Variants in SNX13 observed in about 807,000 individuals in gnomAD.
SNX13 encodes sorting nexin 13, also known as sorting nexin-13.
In SNX13, 45 loss-of-function variants were observed where a neutral mutation model predicts 133.6. The ratio of observed to expected loss-of-function variants is 0.34; its 90% CI spans 0.27 to 0.43. The LOEUF (loss-of-function observed/expected upper bound fraction) is 0.43, where lower values mean the gene tolerates loss of function less well. Ranked by LOEUF, SNX13 falls within the 20% of genes least tolerant of loss-of-function variation. SNX13 has a pLI of 1.00. For synonymous variants in SNX13, 414 were observed against 373.9 expected (o/e 1.11, Z -1.24); for missense variants, 1,032 against 1,145.1 (o/e 0.90, Z 1.43).
At chr7:17,877,906 G>A (rs558042048) in intron 5 of SNX13, among the ~76,000 whole-genome samples, 3 of 151,748 alleles carry the variant, frequency 2.0e-5, no homozygotes, top group Non-Finnish European at 4.4e-5. Context: ...AATCTCAAAA[G>A]AACTTTCTAG....
chr7:17,832,067 A>T, intron 15 of SNX13: 1 of 982,904 alleles, frequency 1.0e-6, no homozygotes, highest in East Asian at 1.1e-4. Context: ...AGACAATAAG[A>T]TACATAAGTA....
At chr7:17,846,377 T>G (rs1032342685) in intron 11 of SNX13, among the ~76,000 whole-genome samples, 19 of 152,182 alleles carry the variant, frequency 1.2e-4, no homozygotes, top group African/African-American at 4.1e-4. Context: ...TCACCACGTC[T>G]ACTTAACAGA....
intron 12 of SNX13, among the ~76,000 whole-genome samples, chr7:17,841,168 T>C (rs1305342691): frequency 6.6e-6 from 1 of 151,038 alleles, no homozygotes; most frequent in African/African-American, 2.5e-5. Flanking sequence ...CCTTTGTTGT[T>C]GCATATCTCT....
At chr7:17,892,513 A>T (rs1189951137) in intron 3 of SNX13, among the ~76,000 whole-genome samples, 1 of 151,804 alleles carries the variant, frequency 6.6e-6, no homozygotes. Flanking sequence ...AAAAAAAAAA[A>T]ATACATATTA....
intron 12 of SNX13, among the ~76,000 whole-genome samples, chr7:17,842,115 A>G (rs940854428): frequency 6.6e-6 from 1 of 152,070 alleles, no homozygotes; most frequent in Non-Finnish European, 1.5e-5. Flanking sequence ...GCACGAATAT[A>G]AACACCCAAA....
chr7:17,828,811 A>C (rs1206340471), intron 16 of SNX13, among the ~76,000 whole-genome samples: 19 of 151,550 alleles, frequency 1.3e-4, no homozygotes, highest in Non-Finnish European at 2.8e-4. Context: ...AAAGAAAAAA[A>C]ATTTTTTACT....
chr7:17,819,963 G>A (rs1218865548), intron 18 of SNX13, among the ~76,000 whole-genome samples: 4 of 151,996 alleles, frequency 2.6e-5, no homozygotes, highest in Admixed American at 2.6e-4. Context: ...TTTCACTCAC[G>A]TGAGCTGTTT....
intron 13 of SNX13, among the ~76,000 whole-genome samples, chr7:17,835,647 A>G (rs1789049255): frequency 6.6e-6 from 1 of 152,034 alleles, no homozygotes; most frequent in Non-Finnish European, 1.5e-5. Flanking sequence ...TAGAGATAAC[A>G]TTTAGAGAAA....
chr7:17,897,506 G>A (rs1797335907), intron 1 of SNX13, 60 bp from the exon 2 acceptor site: 3 of 984,024 alleles, frequency 3.0e-6, no homozygotes, highest in South Asian at 3.9e-5. Context: ...AATTAGAAAA[G>A]AACCAACAAA....
At chr7:17,886,459 T>C (rs1310142308) in intron 5 of SNX13, among the ~76,000 whole-genome samples, 4 of 151,830 alleles carry the variant, frequency 2.6e-5, no homozygotes, top group Non-Finnish European at 5.9e-5. Context: ...TATCAGCTAC[T>C]AAGGAGGCTG....
At chr7:17,914,782 C>T (rs556460636) in intron 1 of SNX13, among the ~76,000 whole-genome samples, 13 of 152,178 alleles carry the variant, frequency 8.5e-5, no homozygotes, top group Non-Finnish European at 1.8e-4. Context: ...CACGTAAGCA[C>T]ATGGTCTCCA....
chr7:17,873,661 G>C, intron 7 of SNX13, 45 bp from the exon 8 acceptor site: 3 of 1,183,570 alleles, frequency 2.5e-6, no homozygotes, highest in Non-Finnish European at 3.5e-6. Flanking sequence ...AAAATATAAA[G>C]TCTACACTTC....
chr7:17,833,957 CCAA>C (rs1336990585), intron 15 of SNX13, 92 bp downstream of exon 15: 8 of 945,756 alleles, frequency 8.5e-6, no homozygotes, highest in Admixed American at 7.6e-5. Context: ...TATTTGGACT[CCAA>C]CAACATTTTT....
chr7:17,927,575 C>G (rs909346957), intron 1 of SNX13, among the ~76,000 whole-genome samples: 1 of 152,154 alleles, frequency 6.6e-6, no homozygotes, highest in Non-Finnish European at 1.5e-5. Flanking sequence ...GTCCAGGTTT[C>G]TCAATAATTT....
chr7:17,917,195 C>T (rs1799655138), intron 1 of SNX13, among the ~76,000 whole-genome samples: 1 of 152,134 alleles, frequency 6.6e-6, no homozygotes, highest in Admixed American at 6.6e-5. Flanking sequence ...ATGACACACC[C>T]ACAGCCAACA....
intron 25 of SNX13, 48 bp from the exon 26 acceptor site, chr7:17,794,340 A>G (rs1371028624): frequency 2.6e-6 from 4 of 1,567,010 alleles, no homozygotes; most frequent in Non-Finnish European, 3.4e-6. Flanking sequence ...AGGAAACACA[A>G]GGCCTAAACT....
intron 15 of SNX13, chr7:17,830,700 T>C (rs1437438226): frequency 4.1e-6 from 4 of 979,580 alleles, no homozygotes; most frequent in Non-Finnish European, 4.8e-6. Context: ...CAAACAACAA[T>C]CTTTTCCCTT....
At chr7:17,860,575 C>T (rs1037543205) in intron 9 of SNX13, among the ~76,000 whole-genome samples, 6 of 152,166 alleles carry the variant, frequency 3.9e-5, no homozygotes, top group African/African-American at 1.2e-4. Context: ...TCTTCCCTTA[C>T]ATATTCTTCT....
At chr7:17,887,910 A>G (rs1796191465) in intron 5 of SNX13, among the ~76,000 whole-genome samples, 1 of 151,834 alleles carries the variant, frequency 6.6e-6, no homozygotes, top group Admixed American at 6.6e-5. Context: ...TAAGAGCCCT[A>G]TAAAGGACTG....
Sources: allele counts gnomAD v4.1 joint callset (sites outside exome capture counted in the v4.1 genomes callset), GRCh38; gene constraint gnomAD v4.1.1; transcripts MANE v1.5; gene names NCBI Gene and HGNC (gene_info 2026-07-23, HGNC 2026-07-21).